Variants in LRRTM4 observed in about 807,000 individuals in gnomAD.
The protein encoded by LRRTM4 is leucine rich repeat transmembrane neuronal 4, also known as leucine-rich repeat transmembrane neuronal protein 4.
A neutral mutation model predicts 47.6 loss-of-function variants in LRRTM4; 25 were observed. The ratio of observed to expected loss-of-function variants is 0.53; its 90% CI spans 0.38 to 0.73. The LOEUF is 0.73. Among genes scored for constraint, LRRTM4 ranks in the 30% least tolerant of loss-of-function variants. LRRTM4 has a pLI of 0.00. For synonymous variants in LRRTM4, 311 were observed against 269.5 expected (o/e 1.15, Z -1.51); for missense variants, 638 against 713.4 (o/e 0.89, Z 1.20).
chr2:77,119,528 C>T (rs1321089082), intron 3 of LRRTM4, among the ~76,000 whole-genome samples: 1 of 151,708 alleles, frequency 6.6e-6, no homozygotes, highest in Admixed American at 6.6e-5. Flanking sequence ...TATCAAATAA[C>T]CATTTATGCA....
At chr2:77,448,313 T>C (rs141019053) in intron 3 of LRRTM4, among the ~76,000 whole-genome samples, 13 of 152,300 alleles carry the variant, frequency 8.5e-5, no homozygotes, top group African/African-American at 3.1e-4. Context: ...AGTGCATACC[T>C]GGCTTCTGGT....
chr2:77,157,630 C>G (rs1672594682), intron 3 of LRRTM4, among the ~76,000 whole-genome samples: 1 of 152,048 alleles, frequency 6.6e-6, no homozygotes, highest in Non-Finnish European at 1.5e-5. Flanking sequence ...TAACATTCTG[C>G]ACTTGACTAG....
chr2:76,979,817 G>A (rs957955690), intron 3 of LRRTM4, among the ~76,000 whole-genome samples: 4 of 151,892 alleles, frequency 2.6e-5, no homozygotes, highest in Non-Finnish European at 5.9e-5. Flanking sequence ...TAAAATAGTG[G>A]AGTAATGAAG....
At chr2:77,293,298 C>T (rs1001116938) in intron 3 of LRRTM4, among the ~76,000 whole-genome samples, 3 of 152,022 alleles carry the variant, frequency 2.0e-5, no homozygotes, top group African/African-American at 2.4e-5. Context: ...TACAAACATA[C>T]GTAAGACAGA....
chr2:76,766,379 T>C (rs1030696775), intron 3 of LRRTM4, among the ~76,000 whole-genome samples: 1 of 152,192 alleles, frequency 6.6e-6, no homozygotes, highest in Non-Finnish European at 1.5e-5. Flanking sequence ...TAAGATCCTC[T>C]AAGGTGCAGT....
intron 3 of LRRTM4, among the ~76,000 whole-genome samples, chr2:76,793,830 A>C (rs1363784013): frequency 6.6e-6 from 1 of 152,088 alleles, no homozygotes; most frequent in African/African-American, 2.4e-5. Context: ...AGAAACAAAC[A>C]CCTGTGTTGC....
At chr2:76,974,233 TATATATACATATATATATATAC>T (rs1676339534) in intron 3 of LRRTM4, among the ~76,000 whole-genome samples, 1 of 142,734 alleles carries the variant, frequency 7.0e-6, no homozygotes, top group Non-Finnish European at 1.5e-5. Context: ...CATACATATA[TATATATACATATATATATATAC>T]ACACACATAC....
At chr2:76,997,574 A>G (rs1677246633) in intron 3 of LRRTM4, among the ~76,000 whole-genome samples, 2 of 152,104 alleles carry the variant, frequency 1.3e-5, no homozygotes, top group Admixed American at 1.3e-4. Flanking sequence ...CCACTTGCTG[A>G]TTCAGTCTAC....
chr2:76,863,367 C>G (rs1489328158), intron 3 of LRRTM4, among the ~76,000 whole-genome samples: 1 of 152,118 alleles, frequency 6.6e-6, no homozygotes, highest in Non-Finnish European at 1.5e-5. Context: ...TATAATGACC[C>G]AGACACATCA....
intron 3 of LRRTM4, among the ~76,000 whole-genome samples, chr2:76,976,799 T>C (rs570638080): frequency 4.6e-5 from 7 of 151,978 alleles, no homozygotes; most frequent in African/African-American, 1.2e-4. Flanking sequence ...CGGTTAACAG[T>C]AATTTGGTGT....
chr2:77,129,911 C>T (rs1671749800), intron 3 of LRRTM4, among the ~76,000 whole-genome samples: 1 of 152,158 alleles, frequency 6.6e-6, no homozygotes, highest in Non-Finnish European at 1.5e-5. Context: ...ATTAGTTCTT[C>T]ATATTCAAGA....
At chr2:76,786,364 G>A (rs925300597) in intron 3 of LRRTM4, among the ~76,000 whole-genome samples, 2 of 152,012 alleles carry the variant, frequency 1.3e-5, no homozygotes, top group African/African-American at 4.8e-5. Flanking sequence ...ACCCACAAAT[G>A]ATGAATAGGC....
intron 3 of LRRTM4, among the ~76,000 whole-genome samples, chr2:77,280,057 T>C (rs1204857023): frequency 6.6e-6 from 1 of 152,038 alleles, no homozygotes; most frequent in Non-Finnish European, 1.5e-5. Context: ...ATGAAAATAA[T>C]CAGCTGCCAT....
intron 3 of LRRTM4, among the ~76,000 whole-genome samples, chr2:77,128,834 T>C (rs140707832): frequency 0.021 from 3,273 of 152,260 alleles, 120 homozygotes; most frequent in African/African-American, 0.074. Context: ...GAGATGGAGT[T>C]TCACCATGTT....
At chr2:76,791,420 T>A (rs1182463940) in intron 3 of LRRTM4, among the ~76,000 whole-genome samples, 1 of 152,172 alleles carries the variant, frequency 6.6e-6, no homozygotes, top group African/African-American at 2.4e-5. Flanking sequence ...TCATACATAA[T>A]TATGAGATGA....
chr2:77,060,504 T>G (rs1679752681), intron 3 of LRRTM4, among the ~76,000 whole-genome samples: 1 of 152,164 alleles, frequency 6.6e-6, no homozygotes, highest in Non-Finnish European at 1.5e-5. Context: ...TGGCTGTATA[T>G]TTTCTTATTT....
At chr2:77,125,279 A>G (rs528891752) in intron 3 of LRRTM4, among the ~76,000 whole-genome samples, 1 of 152,140 alleles carries the variant, frequency 6.6e-6, no homozygotes, top group Non-Finnish European at 1.5e-5. Context: ...GATGATGTTT[A>G]AAGATTTTGT....
At chr2:77,160,065 A>T (rs1218887990) in intron 3 of LRRTM4, among the ~76,000 whole-genome samples, 1 of 152,076 alleles carries the variant, frequency 6.6e-6, no homozygotes, top group East Asian at 1.9e-4. Flanking sequence ...TCACTCTTGA[A>T]TTTCTCCAAG....
chr2:77,411,493 C>T (rs531854593), intron 3 of LRRTM4, among the ~76,000 whole-genome samples: 1 of 142,804 alleles, frequency 7.0e-6, no homozygotes, highest in Admixed American at 7.2e-5. Context: ...TGCTCTGTCG[C>T]CCAGGCTGGG....
Sources: gnomAD v4.1 joint callset for allele counts (sites outside exome capture counted in the v4.1 genomes callset) on GRCh38, gnomAD v4.1.1 for gene constraint, MANE v1.5 for transcripts, NCBI Gene and HGNC (gene_info 2026-07-23, HGNC 2026-07-21) for gene names.